The following PCDHA12 variants were observed in gnomAD, a reference collection of about 807,000 sequenced individuals.
PCDHA12 encodes protocadherin alpha 12, also known as protocadherin alpha-12.
PCDHA12 carries 44 observed loss-of-function variants against 60.0 expected under a neutral mutation model. The ratio of observed to expected loss-of-function variants is 0.73; its 90% CI spans 0.58 to 0.94. PCDHA12 has a LOEUF of 0.94. Ranked by LOEUF, PCDHA12 falls within the 40% of genes least tolerant of loss-of-function variation. The pLI, the probability that PCDHA12 is intolerant of heterozygous loss-of-function variation, is 0.00. For synonymous variants in PCDHA12, 569 were observed against 553.0 expected (o/e 1.03, Z -0.40); for missense variants, 1,276 against 1,239.7 (o/e 1.03, Z -0.44).
At chr5:140,953,413 C>T (rs965115726) in intron 1 of PCDHA12, among the ~76,000 whole-genome samples, 1 of 152,120 alleles carries the variant, frequency 6.6e-6, no homozygotes, top group Non-Finnish European at 1.5e-5. Context: ...GCTCCTGGCT[C>T]CTCCCCTTTG....
Position 140,877,431 on chromosome 5 carries a change from C to A in PCDHA12, c.1959C>A (p.Asp653Glu). ...PRHRLLVLVKDHGEPALTSTA... is the reference protein window; with the variant it reads ...PRHRLLVLVKEHGEPALTSTA... ...ACCGCCTGCTGGTGCTGGTGAAGGACCACGGTGAGCCCGCGCTGACGTCCA... is the reference window on the plus strand; with the variant it reads ...ACCGCCTGCTGGTGCTGGTGAAGGAACACGGTGAGCCCGCGCTGACGTCCA... The change falls in exon 1 of 4, where the codon GAC becomes GAA. Residue 653 changes from aspartate (D) to glutamate (E), a missense_variant. Coordinates refer to ENST00000398631, the MANE Select transcript of PCDHA12 (RefSeq NM_018903.4). 2 of 1,613,836 alleles carry A rather than the reference C, an allele frequency of 1.2e-6. No individual in the cohort carries two copies. The highest frequency in any genetic ancestry group is 1.7e-6 in the Non-Finnish European group (2 of 1,179,860).
intron 1 of PCDHA12, chr5:140,929,177 T>G: frequency 6.2e-7 from 1 of 1,614,172 alleles, no homozygotes; most frequent in Non-Finnish European, 8.5e-7. Flanking sequence ...TCTCTGGGAC[T>G]TGGTTCTGAT....
chr5:140,892,061 T>C (rs1445819046), intron 1 of PCDHA12, among the ~76,000 whole-genome samples: 1 of 152,254 alleles, frequency 6.6e-6, no homozygotes, highest in Non-Finnish European at 1.5e-5. Context: ...AATTTATTGT[T>C]ACTTTGTATA....
At chr5:140,900,924 A>C (rs553059638) in intron 1 of PCDHA12, among the ~76,000 whole-genome samples, 1 of 152,216 alleles carries the variant, frequency 6.6e-6, no homozygotes, top group South Asian at 2.1e-4. Flanking sequence ...ATGATATCTC[A>C]TTGTAGTTTT....
intron 1 of PCDHA12, among the ~76,000 whole-genome samples, chr5:140,935,338 T>C (rs2090317634): frequency 1.3e-5 from 2 of 152,364 alleles, no homozygotes; most frequent in African/African-American, 4.8e-5. Context: ...ATTTCTCCCA[T>C]ACGTCAAATC....
chr5:140,961,736 T>C (rs1554225571), intron 1 of PCDHA12, among the ~76,000 whole-genome samples: 1 of 152,178 alleles, frequency 6.6e-6, no homozygotes. Context: ...ACAATCACTT[T>C]AGTAATATTA....
intron 3 of PCDHA12, among the ~76,000 whole-genome samples, chr5:141,002,568 C>T (rs1554258737): frequency 6.6e-6 from 1 of 152,182 alleles, no homozygotes; most frequent in Admixed American, 6.5e-5. Context: ...AGTTAGTGAC[C>T]ATGTGACCAT....
chr5:140,965,440 T>C (rs1028835719), intron 1 of PCDHA12, among the ~76,000 whole-genome samples: 42 of 151,984 alleles, frequency 2.8e-4, no homozygotes, highest in Admixed American at 1.3e-4. Context: ...GTCATTGAAA[T>C]TGCTGGTTAT....
intron 3 of PCDHA12, among the ~76,000 whole-genome samples, chr5:140,997,614 A>G (rs1355709943): frequency 6.6e-6 from 1 of 152,148 alleles, no homozygotes; most frequent in Admixed American, 6.6e-5. Context: ...GCATGACTAT[A>G]TAGAGATTTT....
intron 1 of PCDHA12, among the ~76,000 whole-genome samples, chr5:140,964,203 C>T (rs2095816993): frequency 6.6e-6 from 1 of 152,212 alleles, no homozygotes; most frequent in African/African-American, 2.4e-5. Context: ...TATACCATCT[C>T]TTTAGTACAA....
At chr5:141,007,145 A>C (rs528280563) in intron 3 of PCDHA12, among the ~76,000 whole-genome samples, 1 of 152,330 alleles carries the variant, frequency 6.6e-6, no homozygotes, top group Admixed American at 6.5e-5. Context: ...CTGACAAAGG[A>C]AACTGTCAAA....
At chr5:140,883,619 A>T (rs1554178937) in intron 1 of PCDHA12, 2 of 1,613,984 alleles carry the variant, frequency 1.2e-6, no homozygotes, top group Admixed American at 3.3e-5. Context: ...CGTGAACGAC[A>T]ACGCGCCGGC....
Position 140,876,251 on chromosome 5 carries a change from G to T in PCDHA12, c.779G>T (p.Arg260Ile). 1 of 1,614,008 alleles carries T rather than the reference G, an allele frequency of 6.2e-7. No individual in the cohort carries two copies. The highest frequency in any genetic ancestry group is 1.1e-5 in the South Asian group (1 of 91,086). ...TCTGAAAATGTCCAAAACGACACAA[G>T]AGTGATCCAACTAAATGCTTCCGAT... ...VLSENVQNDT[R>I]VIQLNASDPD... Residue 260 changes from arginine (R) to isoleucine (I), a missense_variant, in exon 1 of 4, where the codon AGA (arginine) becomes ATA (isoleucine). By Grantham distance (97) the Arg-to-Ile change is moderately conservative (BLOSUM62 -3). Coordinates refer to ENST00000398631, the MANE Select transcript of PCDHA12 (RefSeq NM_018903.4).
chr5:140,899,531 CA>C (rs2067387177), intron 1 of PCDHA12, among the ~76,000 whole-genome samples: 1 of 152,140 alleles, frequency 6.6e-6, no homozygotes, highest in Non-Finnish European at 1.5e-5. Context: ...GGATGAAGCC[CA>C]CTTGATCATG....
At chr5:140,881,918 A>G (rs1263343700) in intron 1 of PCDHA12, 3 of 252,356 alleles carry the variant, frequency 1.2e-5, no homozygotes, top group Non-Finnish European at 2.3e-5. Flanking sequence ...TGTTGAGCAG[A>G]ATGCAGTGAT....
In PCDHA12 at chr5:140,876,455, C is replaced by G; in HGVS notation, c.983C>G (p.Pro328Arg). ...GTTAACGCCATTGATAAAGGGATTC[C>G]TTCCATGGCAGGTCACAGCATGGTC... ...IQVNAIDKGI[P>R]SMAGHSMVLV... Residue 328 changes from proline (P) to arginine (R), a missense_variant, in exon 1 of 4, where the codon CCT becomes CGT. Coordinates refer to ENST00000398631, the MANE Select transcript of PCDHA12 (RefSeq NM_018903.4). 1 of 1,613,992 alleles carries G rather than the reference C, an allele frequency of 6.2e-7. No individual in the cohort carries two copies. The highest frequency in any genetic ancestry group is 8.5e-7 in the Non-Finnish European group (1 of 1,179,892).
At position 140,884,423 on chromosome 5, in the gene PCDHA12, A is replaced by G. The variant is rs2060160830; in HGVS notation, c.2367+6584A>G. The G allele has an allele frequency of 1.2e-6, 2 of 1,613,932 alleles. No individual in the cohort carries two copies. Among genetic ancestry groups the G allele is most frequent in the African/African-American group, 1.3e-5 (1 of 75,050 alleles). On this transcript the variant is annotated intron_variant, in intron 1 of 3. Coordinates refer to ENST00000398631, the MANE Select transcript of PCDHA12 (RefSeq NM_018903.4). ...GTTGGTGCTCACGTTGCTGCTGTAT[A>G]CTGCGCTGCGGTGCTCGGCACCGCC...
chr5:140,941,996 A>G (rs951664999), intron 1 of PCDHA12, among the ~76,000 whole-genome samples: 1 of 152,220 alleles, frequency 6.6e-6, no homozygotes, highest in Non-Finnish European at 1.5e-5. Flanking sequence ...AGGGATTCAT[A>G]TCTCTTATTA....
chr5:140,971,845 G>A (rs370364575), intron 1 of PCDHA12, among the ~76,000 whole-genome samples: 4 of 152,052 alleles, frequency 2.6e-5, no homozygotes, highest in Admixed American at 6.5e-5. Context: ...CAAGTCATGC[G>A]TTAAATATTT....
Sources: gnomAD v4.1 joint callset for allele counts (sites outside exome capture counted in the v4.1 genomes callset) on GRCh38, gnomAD v4.1.1 for gene constraint, MANE v1.5 for transcripts, NCBI Gene and HGNC (gene_info 2026-07-23, HGNC 2026-07-21) for gene names.